COL19A1: variants seen among roughly 807,000 people sequenced by gnomAD.
COL19A1 encodes collagen type XIX alpha 1 chain, also known as collagen alpha-1(XIX) chain.
A neutral mutation model predicts 190.2 loss-of-function variants in COL19A1; 159 were observed. The observed-to-expected ratio is 0.84, with a 90% confidence interval of 0.73 to 0.95. The LOEUF is 0.95. Ranked by LOEUF, COL19A1 falls within the 40% of genes least tolerant of loss-of-function variation. The pLI is 0.00. For synonymous variants in COL19A1, 509 were observed against 458.9 expected (o/e 1.11, Z -1.39); for missense variants, 1,418 against 1,431.9 (o/e 0.99, Z 0.16).
At chr6:69,867,566 C>T (rs937927009) in intron 1 of COL19A1, 30 of 152,318 alleles carry the variant, frequency 2.0e-4, no homozygotes, top group Admixed American at 7.8e-4. Context: ...GCTGCAGGGT[C>T]GCGAGGAAGT....
rs562116850 is a variant in COL19A1, at chr6:69,866,637, C to G, written c.-36C>G. The G allele has an allele frequency of 6.6e-6, 1 of 152,424 alleles. No homozygotes were observed. The highest frequency in any genetic ancestry group is 1.9e-4 in the East Asian group (1 of 5,188). The allele number at this position is 152,424 out of a possible 1,614,324, so 9.4% of individuals were successfully genotyped here. ...CCTCTGAGGGGCTCAAATACGAATT[C>G]AAGGTAAGCTGCGCGGCTTTGCGAC... is the stretch of plus-strand genomic sequence containing the variant. On this transcript the variant is annotated 5_prime_UTR_variant, in exon 1 of 51. Transcript: ENST00000620364.
intron 46 of COL19A1, among the ~76,000 whole-genome samples, chr6:70,187,131 C>T (rs939179860): frequency 2.9e-4 from 44 of 152,106 alleles, no homozygotes; most frequent in African/African-American, 1.0e-3. Flanking sequence ...CTGCCCACCT[C>T]GGCCTCCCAA....
chr6:70,067,219 A>T (rs1327135631), intron 14 of COL19A1, among the ~76,000 whole-genome samples: 1 of 152,112 alleles, frequency 6.6e-6, no homozygotes, highest in African/African-American at 2.4e-5. Context: ...ATGTGAATGG[A>T]TGGAGGAATG....
At chr6:69,960,143 C>T (rs1468439180) in intron 10 of COL19A1, 103 bp downstream of exon 10, 1 of 1,154,706 alleles carries the variant, frequency 8.7e-7, no homozygotes, top group Non-Finnish European at 1.2e-6. Context: ...GCTGAATTCA[C>T]TCAAAGACTT....
At position 70,149,699 on chromosome 6, in the gene COL19A1, C is replaced by G. The variant is rs908885080; in HGVS notation, c.1894-5C>G. 1 of 1,613,348 alleles carries G rather than the reference C, an allele frequency of 6.2e-7. No individual in the cohort carries two copies. Among genetic ancestry groups the G allele is most frequent in the Non-Finnish European group, 8.5e-7 (1 of 1,179,660 alleles). On this transcript the variant is annotated splice_polypyrimidine_tract_variant and splice_region_variant and intron_variant, in intron 27 of 50. Coordinates refer to ENST00000620364, the MANE Select transcript of COL19A1 (RefSeq NM_001858.6). Reference sequence around the variant, plus strand: ...TTTTAATAATAAAATCTCATTTGTACTCAGGGCGCCCAAGGACCAGCTGGA... The same window carrying G: ...TTTTAATAATAAAATCTCATTTGTAGTCAGGGCGCCCAAGGACCAGCTGGA...
intron 36 of COL19A1, 47 bp downstream of exon 36, chr6:70,163,443 G>T: frequency 6.4e-7 from 1 of 1,564,810 alleles, no homozygotes; most frequent in East Asian, 2.3e-5. Flanking sequence ...GGCTTGGAGT[G>T]GGAGCAGGAT....
chr6:70,074,498 C>CAAAAAAAAA (rs368408394), intron 15 of COL19A1, among the ~76,000 whole-genome samples: 3 of 97,154 alleles, frequency 3.1e-5, no homozygotes, highest in Non-Finnish European at 5.9e-5. Context: ...GACTCCACCT[C>CAAAAAAAAA]AAAAAAAAAA....
chr6:69,971,149 G>C (rs1471237570), intron 11 of COL19A1, among the ~76,000 whole-genome samples: 1 of 152,154 alleles, frequency 6.6e-6, no homozygotes, highest in Non-Finnish European at 1.5e-5. Context: ...GAGAGAAAGA[G>C]AGAGAAATAA....
intron 14 of COL19A1, among the ~76,000 whole-genome samples, chr6:70,039,973 C>G (rs914883679): frequency 6.6e-6 from 1 of 151,516 alleles, no homozygotes; most frequent in Non-Finnish European, 1.5e-5. Context: ...GCTATGTTGC[C>G]TAGGCTGGTC....
intron 40 of COL19A1, among the ~76,000 whole-genome samples, chr6:70,168,936 AG>A (rs1765332004): frequency 6.6e-6 from 1 of 152,172 alleles, no homozygotes; most frequent in Non-Finnish European, 1.5e-5. Context: ...TGATGGAGGA[AG>A]ACACATATAA....
intron 9 of COL19A1, among the ~76,000 whole-genome samples, chr6:69,946,110 A>G (rs1453726343): frequency 6.6e-6 from 1 of 151,942 alleles, no homozygotes; most frequent in Non-Finnish European, 1.5e-5. Flanking sequence ...ATATCTTAGA[A>G]TCTGAAATTT....
At chr6:70,090,081 G>A (rs1582885356) in intron 15 of COL19A1, among the ~76,000 whole-genome samples, 1 of 152,018 alleles carries the variant, frequency 6.6e-6, no homozygotes, top group Non-Finnish European at 1.5e-5. Flanking sequence ...GGGAGGCTGA[G>A]GCAGGAGGAT....
chr6:69,944,187 T>C (rs1331456032), intron 9 of COL19A1, among the ~76,000 whole-genome samples: 1 of 152,120 alleles, frequency 6.6e-6, no homozygotes, highest in Non-Finnish European at 1.5e-5. Context: ...AAAAAGGCCT[T>C]CTGGCATCTC....
intron 41 of COL19A1, among the ~76,000 whole-genome samples, chr6:70,173,164 C>T (rs1378621161): frequency 3.9e-5 from 6 of 152,216 alleles, no homozygotes; most frequent in East Asian, 3.9e-4. Flanking sequence ...TAATTTTGTA[C>T]GTGAGACCAA....
rs980649077 is a variant in COL19A1 at position 70,208,716 on chromosome 6, G to A, written c.*1442G>A. Reference sequence around the variant, plus strand: ...AAGGAGCAGTGCAGATTTCAATTTGGCTAAAACAGGATGATTGCTTTTGTC... The same window carrying A: ...AAGGAGCAGTGCAGATTTCAATTTGACTAAAACAGGATGATTGCTTTTGTC... On this transcript the variant is annotated 3_prime_UTR_variant, in exon 51 of 51. Transcript: ENST00000620364. 6.6e-6 allele frequency: 1 copy of A among 152,588 alleles called. No homozygotes were observed. The highest frequency in any genetic ancestry group is 2.4e-5 in the African/African-American group (1 of 41,422). The allele number at this position is 152,588 out of a possible 1,614,324, so 9.5% of individuals were successfully genotyped here.
chr6:69,960,601 A>G (rs1774720597), intron 10 of COL19A1, among the ~76,000 whole-genome samples: 1 of 147,892 alleles, frequency 6.8e-6, no homozygotes, highest in Admixed American at 6.7e-5. Flanking sequence ...CTTTAACAAG[A>G]TGAACTTCCT....
intron 42 of COL19A1, among the ~76,000 whole-genome samples, chr6:70,180,005 C>A (rs913742598): frequency 3.3e-5 from 5 of 152,140 alleles, no homozygotes; most frequent in Admixed American, 2.0e-4. Context: ...GCCTCGGGCT[C>A]CCGAGTAGCT....
chr6:70,205,271 T>A (rs1489629706), intron 49 of COL19A1, among the ~76,000 whole-genome samples: 1 of 152,242 alleles, frequency 6.6e-6, no homozygotes, highest in African/African-American at 2.4e-5. Context: ...ACATTGCCAA[T>A]GTTGTTCAGA....
At position 70,144,076 on chromosome 6, in the gene COL19A1, A is replaced by G. The variant is rs2090427377; in HGVS notation, c.1627-134A>G. ...TATTTTTCCAGGTCTTAAAGGCCAA[A>G]ATCAATCCAACTCCTTCTATTAATA... is the stretch of plus-strand genomic sequence containing the variant. On this transcript the variant is annotated intron_variant, in intron 23 of 50. Coordinates refer to ENST00000620364, the MANE Select transcript of COL19A1 (RefSeq NM_001858.6). 4 of 729,204 alleles carry G rather than the reference A, an allele frequency of 5.5e-6. No individual in the cohort carries two copies. The South Asian group carries it at 9.6e-5, about 17-fold the overall frequency. 45.2% of individuals were successfully genotyped at this position (729,204 alleles called of 1,614,324 possible). A position where few individuals can be genotyped will look rare whatever the true frequency, so the allele number is the denominator to read the frequency against.
Sources: gnomAD v4.1 joint callset for allele counts (sites outside exome capture counted in the v4.1 genomes callset) on GRCh38, gnomAD v4.1.1 for gene constraint, MANE v1.5 for transcripts, NCBI Gene and HGNC (gene_info 2026-07-23, HGNC 2026-07-21) for gene names.